FRMD3: variants seen among roughly 807,000 people sequenced by gnomAD.
The protein encoded by FRMD3 is FERM domain containing 3.
A neutral mutation model predicts 70.2 loss-of-function variants in FRMD3; 33 were observed. The observed-to-expected ratio is 0.47, with a 90% CI of 0.36 to 0.63. The LOEUF is 0.63. Among genes scored for constraint, FRMD3 ranks in the 20% least tolerant of loss-of-function variants. FRMD3 has a pLI of 0.00. For missense variants in FRMD3, 632 were observed against 711.4 expected, an observed-to-expected ratio of 0.89 and a Z score of 1.27; for synonymous variants, 279 against 255.9, an observed-to-expected ratio of 1.09 and a Z score of -0.86.
the FRMD3 span, among the ~76,000 whole-genome samples, chr9:83,555,032 C>G: frequency 6.6e-6 from 1 of 152,182 alleles, no homozygotes; most frequent in Non-Finnish European, 1.5e-5. Context: ...CTTTTGCTGG[C>G]CCAAAGCCAC....
the FRMD3 span, among the ~76,000 whole-genome samples, chr9:83,570,237 C>T: frequency 6.6e-6 from 1 of 152,070 alleles, no homozygotes; most frequent in South Asian, 2.1e-4. Context: ...TGGGAAGAAA[C>T]AACTTATAAC....
chr9:83,549,973 T>A, the FRMD3 span, among the ~76,000 whole-genome samples: 2 of 152,196 alleles, frequency 1.3e-5, no homozygotes, highest in Non-Finnish European at 2.9e-5. Context: ...ATTTGTCAAT[T>A]TTTACTTTTG....
At chr9:83,517,348 A>G (rs925984841) in intron 1 of FRMD3, among the ~76,000 whole-genome samples, 1 of 152,122 alleles carries the variant, frequency 6.6e-6, no homozygotes, top group Non-Finnish European at 1.5e-5. Flanking sequence ...AAACACCTCT[A>G]TGCAAATAAA....
chr9:83,248,557 AT>A (rs1170963976), intron 13 of FRMD3, 41 bp from the exon 14 acceptor site: 68 of 1,520,428 alleles, frequency 4.5e-5, no homozygotes, highest in Non-Finnish European at 5.9e-5. Context: ...AAAATTTCAG[AT>A]TTTCCCACAA....
chr9:83,522,602 CG>C (rs1458287240), intron 1 of FRMD3, among the ~76,000 whole-genome samples: 1 of 138,432 alleles, frequency 7.2e-6, no homozygotes, highest in Non-Finnish European at 1.5e-5. Flanking sequence ...CTTGTTCTGT[CG>C]CCTAGGCTGG....
At chr9:83,268,265 C>G (rs1047726908) in intron 13 of FRMD3, among the ~76,000 whole-genome samples, 3 of 152,158 alleles carry the variant, frequency 2.0e-5, no homozygotes, top group African/African-American at 7.2e-5. Flanking sequence ...TTATTCAGAG[C>G]AGGAATTGAA....
At chr9:83,321,367 G>A (rs969411331) in intron 6 of FRMD3, among the ~76,000 whole-genome samples, 1 of 152,054 alleles carries the variant, frequency 6.6e-6, no homozygotes, top group Non-Finnish European at 1.5e-5. Flanking sequence ...CACAGGTTTT[G>A]TTACATTGTG....
intron 1 of FRMD3, among the ~76,000 whole-genome samples, chr9:83,522,156 C>G (rs1829584325): frequency 6.6e-6 from 1 of 152,204 alleles, no homozygotes; most frequent in Admixed American, 6.5e-5. Flanking sequence ...TTTAAAGATT[C>G]TCTTATTCAC....
At chr9:83,547,673 T>A in the FRMD3 span, among the ~76,000 whole-genome samples, 3 of 152,138 alleles carry the variant, frequency 2.0e-5, no homozygotes, top group African/African-American at 7.2e-5. Context: ...TAAATCAGAC[T>A]CTAGATTAAA....
At chr9:83,357,810 G>C (rs1327678980) in intron 3 of FRMD3, among the ~76,000 whole-genome samples, 1 of 152,142 alleles carries the variant, frequency 6.6e-6, no homozygotes, top group African/African-American at 2.4e-5. Context: ...GTTCTTTGTA[G>C]ATTCTGGATA....
At chr9:83,545,356 G>GTTTTTTTTTT in the FRMD3 span, among the ~76,000 whole-genome samples, 25 of 117,604 alleles carry the variant, frequency 2.1e-4, no homozygotes, top group East Asian at 5.3e-4. Context: ...GTTTTTTTTT[G>GTTTTTTTTTT]TTTTTTTTTT....
rs183710441 is a variant in FRMD3, at chr9:83,460,128, C to T, written c.148-70420G>A. On this transcript the variant is annotated intron_variant, in intron 1 of 13. Transcript: ENST00000304195. ...GACACAAACATCTAGTCCATAACAG[C>T]ATCCTTACTCCTTCCCTGCCTCAGT... 6.7e-3 allele frequency among the ~76,000 whole-genome samples: 1,022 copies of T among 152,316 alleles called. 13 individuals carry two copies. The highest frequency in any genetic ancestry group is 0.023 in the African/African-American group (966 of 41,556).
intron 6 of FRMD3, among the ~76,000 whole-genome samples, chr9:83,327,565 G>A (rs1564017482): frequency 6.6e-6 from 1 of 152,318 alleles, no homozygotes; most frequent in East Asian, 1.9e-4. Context: ...CTGAAGGTCT[G>A]GAGTGCCTCT....
chr9:83,552,729 T>C, the FRMD3 span, among the ~76,000 whole-genome samples: 1 of 152,204 alleles, frequency 6.6e-6, no homozygotes, highest in South Asian at 2.1e-4. Context: ...CATTATGTAA[T>C]GCCTTTCTTT....
At chr9:83,278,037 G>A (rs1465853588) in intron 13 of FRMD3, among the ~76,000 whole-genome samples, 6 of 152,222 alleles carry the variant, frequency 3.9e-5, no homozygotes, top group Non-Finnish European at 8.8e-5. Flanking sequence ...GATAGCATGA[G>A]AGGGAGCAAA....
chr9:83,465,731 G>A (rs1205070835), intron 1 of FRMD3, among the ~76,000 whole-genome samples: 1 of 152,142 alleles, frequency 6.6e-6, no homozygotes, highest in Non-Finnish European at 1.5e-5. Context: ...TACGTCCGCT[G>A]CACTGAAATT....
upstream of FRMD3, among the ~76,000 whole-genome samples, chr9:83,541,511 G>A (rs1042749649): frequency 2.6e-5 from 4 of 152,162 alleles, no homozygotes; most frequent in Non-Finnish European, 5.9e-5. Context: ...CCCCTGAGGG[G>A]GCATCCACCA....
At chr9:83,316,072 A>G (rs1311935396) in intron 6 of FRMD3, among the ~76,000 whole-genome samples, 2 of 151,480 alleles carry the variant, frequency 1.3e-5, no homozygotes, top group East Asian at 3.9e-4. Context: ...TCCTTTTCTA[A>G]TGCTTTTCCT....
chr9:83,451,315 AG>A (rs1827646966), intron 1 of FRMD3, among the ~76,000 whole-genome samples: 1 of 151,954 alleles, frequency 6.6e-6, no homozygotes, highest in South Asian at 2.1e-4. Context: ...TAAAAAAAGA[AG>A]AAGAGCAATA....
Sources: allele counts gnomAD v4.1 joint callset (sites outside exome capture counted in the v4.1 genomes callset), GRCh38; gene constraint gnomAD v4.1.1; transcripts MANE v1.5; gene names NCBI Gene and HGNC (gene_info 2026-07-23, HGNC 2026-07-21).